Variants in SSX3 observed in about 807,000 individuals in gnomAD.
The protein encoded by SSX3 is protein SSX3.
SSX3 carries 6 observed loss-of-function variants against 14.8 expected under a neutral mutation model. That is an observed-to-expected ratio of 0.41 (90% CI 0.22 to 0.80). The LOEUF is 0.80. Among genes scored for constraint, SSX3 ranks in the 30% least tolerant of loss-of-function variants. The pLI is 0.34. For synonymous variants in SSX3, 55 were observed against 52.9 expected (o/e 1.04, Z -0.18); for missense variants, 163 against 152.2 (o/e 1.07, Z -0.37).
At position 48,352,373 on chromosome X, in the gene SSX3, C is replaced by A. The variant is rs1210489767; in HGVS notation, c.281-224G>T. On this transcript the variant is annotated intron_variant, in intron 4 of 7. Transcript: ENST00000298396. Reference sequence around the variant, plus strand: ...CTCATGGTTTATCACATGGGGACTACACCCCATCACAGTCTCATCTTATTC... The same window carrying A: ...CTCATGGTTTATCACATGGGGACTAAACCCCATCACAGTCTCATCTTATTC... The A allele has an allele frequency of 1.9e-4, 77 of 396,770 alleles. No individual in the cohort carries two copies. In the Admixed American group the frequency reaches 3.0e-3, roughly 16 times the overall value. 32.7% of individuals were successfully genotyped at this position (396,770 alleles called of 1,213,427 possible).
At chrX:48,348,142 G>A in intron 6 of SSX3, 1 of 364,694 alleles carries the variant, frequency 2.7e-6, no homozygotes. Flanking sequence ...ATATTCTTAT[G>A]GGGTACATGA....
intron 1 of SSX3, 53 bp from the exon 2 acceptor site, chrX:48,355,322 G>A: frequency 9.0e-7 from 1 of 1,115,877 alleles, no homozygotes; most frequent in South Asian, 1.9e-5. Flanking sequence ...TGGTCTTGTG[G>A]AGGGAGAAAT....
intron 5 of SSX3, 57 bp downstream of exon 5, chrX:48,352,042 GT>G (rs2061265385): frequency 8.6e-7 from 1 of 1,165,327 alleles, no homozygotes; most frequent in Non-Finnish European, 1.2e-6. Flanking sequence ...TCTTACCAGT[GT>G]TCGCATCCTT....
chrX:48,349,465 A>T (rs1259182314), intron 6 of SSX3: 6 of 1,122,993 alleles, frequency 5.3e-6, no homozygotes, highest in Non-Finnish European at 6.0e-6. Context: ...GCTATTGCAC[A>T]CTTAGTAGAC....
chrX:48,352,308 T>C lies in SSX3; in HGVS notation c.281-159A>G, dbSNP rs2061266925. ...GCTTCTGAATTATGTTTAGTCATGG[T>C]TGATGCATTTATCTGTGGCATCAAT... On this transcript the variant is annotated intron_variant, in intron 4 of 7. Transcript: ENST00000298396. 4 of 639,995 alleles carry C rather than the reference T, an allele frequency of 6.3e-6. No homozygotes were observed. The Admixed American group carries it at 8.8e-5, about 14-fold the overall frequency. 52.7% of individuals were successfully genotyped at this position (639,995 alleles called of 1,213,427 possible).
At chrX:48,352,794 C>T (rs2061268714) in intron 4 of SSX3, among the ~76,000 whole-genome samples, 1 of 111,641 alleles carries the variant, frequency 9.0e-6, no homozygotes. Flanking sequence ...ATACATATGT[C>T]CCCTTTATTT....
At chrX:48,352,531 T>C (rs1327238043) in intron 4 of SSX3, among the ~76,000 whole-genome samples, 1 of 112,885 alleles carries the variant, frequency 8.9e-6, no homozygotes, top group Non-Finnish European at 1.9e-5. Flanking sequence ...GTATGTGAAT[T>C]AAGCTGTTAA....
chrX:48,355,037 T>C (rs1276400508), intron 2 of SSX3, 144 bp downstream of exon 2: 140 of 1,200,562 alleles, frequency 1.2e-4, no homozygotes, highest in Admixed American at 3.3e-4. Flanking sequence ...GATGACAGAG[T>C]GAGGGTGGGA....
rs782394890 is a variant in SSX3, at chrX:48,348,921, C to T, written c.466+1066G>A. On this transcript the variant is annotated intron_variant, in intron 6 of 7. Transcript: ENST00000298396. ...CTGCAGGAGAAACCTGTGAAGCTAG[C>T]AGAGGTTGGTTCGTGAGGTTTAAGG... 1.3e-4 allele frequency among the ~76,000 whole-genome samples: 14 copies of T among 111,864 alleles called. No homozygotes were observed. In the South Asian group the frequency reaches 1.9e-3, roughly 15 times the overall value.
chrX:48,356,255 G>C (rs2061287269), intron 1 of SSX3, among the ~76,000 whole-genome samples: 1 of 111,552 alleles, frequency 9.0e-6, no homozygotes, highest in African/African-American at 3.3e-5. Context: ...AGATTTGAGT[G>C]ATTTTTTTTT....
chrX:48,349,969 T>C lies in SSX3; in HGVS notation c.466+18A>G. 8.3e-7 allele frequency: 1 copy of C among 1,211,082 alleles called. No individual in the cohort carries two copies. Among genetic ancestry groups the C allele is most frequent in the South Asian group, 1.8e-5 (1 of 56,796 alleles). On this transcript the variant is annotated intron_variant, in intron 6 of 7. Transcript: ENST00000298396. ...CCAGGGAAGCCAGTGGGATTGTTCCTGAATTGCTTCCTCTTACCAGATATC... is the reference window on the plus strand; with the variant it reads ...CCAGGGAAGCCAGTGGGATTGTTCCCGAATTGCTTCCTCTTACCAGATATC...
In SSX3 at chrX:48,356,683, A is replaced by G. The variant is rs2061289053; in HGVS notation, c.-70T>C. 3 of 111,319 alleles carry G rather than the reference A, an allele frequency of 2.7e-5. No individual in the cohort carries two copies. The highest frequency in any genetic ancestry group is 1.9e-4 in the Admixed American group (2 of 10,398). 9.2% of individuals were successfully genotyped at this position (111,319 alleles called of 1,213,427 possible). On this transcript the variant is annotated 5_prime_UTR_variant, in exon 1 of 8. Coordinates refer to ENST00000298396, the MANE Select transcript of SSX3 (RefSeq NM_021014.4). The stretch of plus-strand genomic sequence containing the variant: ...GAAAATCAGACCGTGCGTACTCTTG[A>G]GTATGGAAGAATCGAAAGAGAGAGA...
Position 48,348,413 on chromosome X carries a change from C to G in SSX3, c.467-809G>C, listed in dbSNP as rs141147589. On this transcript the variant is annotated intron_variant, in intron 6 of 7. Transcript: ENST00000298396. ...TGACTGCTCCACCGATGAGCTGTTC[C>G]GCGTCTCTCTTCCTTTTCTTGGGCC... The G allele has an allele frequency of 6.5e-4, 334 of 517,638 alleles. No homozygotes were observed. In the East Asian group the frequency reaches 8.5e-3, roughly 13 times the overall value. 42.7% of individuals were successfully genotyped at this position (517,638 alleles called of 1,213,427 possible).
chrX:48,346,587 CTG>C lies in SSX3; in HGVS notation c.*451_*452del, dbSNP rs1328196739. On this transcript the variant is annotated 3_prime_UTR_variant, in exon 8 of 8. Transcript: ENST00000298396. The stretch of plus-strand genomic sequence containing the variant: ...GCTTATACTGGTACTTGGTGTGTGT[CTG>C]TGTGTGTGTGTGTGTGTGTGTGGTG... The C allele has an allele frequency of 3.2e-4, 60 of 186,404 alleles. No homozygotes were observed. The highest frequency in any genetic ancestry group is 2.6e-3 in the African/African-American group (55 of 21,094). 15.4% of individuals were successfully genotyped at this position (186,404 alleles called of 1,213,427 possible).
At chrX:48,351,185 A>C (rs1320589794) in intron 5 of SSX3, among the ~76,000 whole-genome samples, 1 of 112,050 alleles carries the variant, frequency 8.9e-6, no homozygotes, top group Non-Finnish European at 1.9e-5. Context: ...TAGTAATAAT[A>C]ACAATTAATA....
intron 6 of SSX3, among the ~76,000 whole-genome samples, chrX:48,348,846 C>A (rs1445862895): frequency 8.9e-6 from 1 of 112,176 alleles, no homozygotes; most frequent in African/African-American, 3.2e-5. Context: ...TAATTCAGAG[C>A]AAGACCAGAA....
At chrX:48,348,168 G>A (rs2061246612) in intron 6 of SSX3, 1 of 397,884 alleles carries the variant, frequency 2.5e-6, no homozygotes, top group African/African-American at 2.5e-5. Context: ...TTTGATACAG[G>A]CATGCAATGC....
At chrX:48,347,357 TC>T (rs2061243288) in intron 7 of SSX3, 142 bp downstream of exon 7, 2 of 953,243 alleles carry the variant, frequency 2.1e-6, no homozygotes, top group Non-Finnish European at 3.0e-6. Context: ...GCATGGGAAA[TC>T]TCATCATTCA....
chrX:48,353,630 A>T (rs2061272608), intron 4 of SSX3, among the ~76,000 whole-genome samples: 1 of 110,747 alleles, frequency 9.0e-6, no homozygotes, highest in African/African-American at 3.3e-5. Flanking sequence ...CATCTCAAAA[A>T]CAAAAACAAA....
Sources: allele counts gnomAD v4.1 joint callset (sites outside exome capture counted in the v4.1 genomes callset), GRCh38; gene constraint gnomAD v4.1.1; transcripts MANE v1.5; gene names NCBI Gene and HGNC (gene_info 2026-07-23, HGNC 2026-07-21).